The following GABPB2 variants were observed in gnomAD, a reference collection of about 807,000 sequenced individuals.
GABPB2 encodes the protein GA-binding protein subunit beta-2.
GABPB2 carries 23 observed loss-of-function variants against 39.1 expected under a neutral mutation model. That is an observed-to-expected ratio of 0.59 (90% CI 0.42 to 0.83). The LOEUF is 0.83. GABPB2 is among the 40% of genes least tolerant of loss of function. The probability of loss-of-function intolerance (pLI) is 0.00; values close to 1 mark genes in which losing one functional copy is unlikely to be tolerated. For missense variants in GABPB2, 467 were observed against 541.1 expected (o/e 0.86, Z 1.36); for synonymous variants, 184 against 199.3 (o/e 0.92, Z 0.65).
chr1:151,103,586 A>C lies in GABPB2; in HGVS notation c.647A>C (p.Gln216Pro). 6.2e-7 allele frequency: 1 copy of C among 1,613,940 alleles called. No homozygotes were observed. Among genetic ancestry groups the C allele is most frequent in the Non-Finnish European group, 8.5e-7 (1 of 1,179,882 alleles). ...GGTGACCCCCATGCCTCAACAGTACAGTTTTCAAATTCTACCACCTCAGTG... is the reference window on the plus strand; with the variant it reads ...GGTGACCCCCATGCCTCAACAGTACCGTTTTCAAATTCTACCACCTCAGTG... Reference protein sequence around the residue: ...TSGDPHASTVQFSNSTTSVLA... With the variant: ...TSGDPHASTVPFSNSTTSVLA... Residue 216 changes from glutamine to proline, a missense_variant, in exon 6 of 9, where the codon CAG becomes CCG. Coordinates refer to ENST00000368918, the MANE Select transcript of GABPB2 (RefSeq NM_144618.3).
intron 1 of GABPB2, among the ~76,000 whole-genome samples, chr1:151,084,690 A>G (rs1212739638): frequency 1.3e-5 from 2 of 150,574 alleles, no homozygotes; most frequent in Non-Finnish European, 3.0e-5. Flanking sequence ...ACCCGCCACC[A>G]TGCCCAGCTA....
Position 151,124,508 on chromosome 1 carries a change from C to T in GABPB2, c.*6252C>T, listed in dbSNP as rs1289004041. 1 of 149,952 alleles carries T rather than the reference C, an allele frequency of 6.7e-6. No individual in the cohort carries two copies. Among genetic ancestry groups the T allele is most frequent in the Non-Finnish European group, 1.5e-5 (1 of 67,724 alleles). 9.3% of individuals were successfully genotyped at this position (149,952 alleles called of 1,614,324 possible). On this transcript the variant is annotated 3_prime_UTR_variant, in exon 9 of 9. Transcript: ENST00000368918. ...GACCATTTTAAGAAAGCTTGTGTGG[C>T]TCTCTCCTATCATTACAGACCTCCA...
At chr1:151,096,891 A>C (rs1262366275) in intron 4 of GABPB2, among the ~76,000 whole-genome samples, 1 of 152,096 alleles carries the variant, frequency 6.6e-6, no homozygotes, top group African/African-American at 2.4e-5. Flanking sequence ...TTTTTAGGCT[A>C]TTCAGGTCAA....
At chr1:151,092,208 G>A (rs1283706840) in intron 3 of GABPB2, among the ~76,000 whole-genome samples, 1 of 149,210 alleles carries the variant, frequency 6.7e-6, no homozygotes, top group African/African-American at 2.5e-5. Flanking sequence ...CCAGGTTCAA[G>A]CGATTCTCCT....
chr1:151,076,719 T>C (rs587721937), intron 1 of GABPB2, among the ~76,000 whole-genome samples: 134 of 151,556 alleles, frequency 8.8e-4, no homozygotes, highest in Non-Finnish European at 1.6e-3. Context: ...TGTGAGCCAC[T>C]GTGCCTTGCC....
At chr1:151,117,561 T>C (rs778393017) in intron 8 of GABPB2, 45 bp downstream of exon 8, 23 of 1,598,412 alleles carry the variant, frequency 1.4e-5, no homozygotes, top group African/African-American at 9.4e-5. Context: ...GCCTTAATTA[T>C]TAAGGCCTGA....
chr1:151,090,399 T>C lies in GABPB2; in HGVS notation c.109-7T>C, dbSNP rs1049571609. On this transcript the variant is annotated splice_polypyrimidine_tract_variant and splice_region_variant and intron_variant, in intron 2 of 8. Coordinates refer to ENST00000368918, the MANE Select transcript of GABPB2 (RefSeq NM_144618.3). ...GTGGATATTCAATGAGCATTATTTT[T>C]CCACAGCTTGGAACATCACCCCTCC... The C allele has an allele frequency of 1.2e-6, 2 of 1,613,408 alleles. No homozygotes were observed. Among genetic ancestry groups the C allele is most frequent in the African/African-American group, 1.3e-5 (1 of 75,026 alleles).
At chr1:151,073,006 C>T (rs1202967991) in intron 1 of GABPB2, 1 of 152,076 alleles carries the variant, frequency 6.6e-6, no homozygotes, top group East Asian at 1.9e-4. Flanking sequence ...TATTTAGGTT[C>T]TTTTCCATCT....
At chr1:151,080,227 A>C (rs6667900) in intron 1 of GABPB2, among the ~76,000 whole-genome samples, 15,352 of 139,832 alleles carry the variant, frequency 0.11, 1,383 homozygotes, top group African/African-American at 0.2. Flanking sequence ...AAAAAAAAAA[A>C]AAAAAAAAAA....
intron 2 of GABPB2, among the ~76,000 whole-genome samples, 177 bp from the exon 3 acceptor site, chr1:151,090,229 C>T (rs1201235832): frequency 6.6e-6 from 1 of 152,172 alleles, no homozygotes; most frequent in African/African-American, 2.4e-5. Context: ...CAGGTGTGAG[C>T]CAGTGCACCT....
intron 7 of GABPB2, among the ~76,000 whole-genome samples, chr1:151,109,337 T>C (rs12563271): frequency 6.1e-5 from 5 of 81,532 alleles, no homozygotes; most frequent in South Asian, 4.8e-4. Flanking sequence ...TATATATATA[T>C]ACACAAATAT....
chr1:151,080,960 C>T (rs1317307033), intron 1 of GABPB2, among the ~76,000 whole-genome samples: 3 of 150,842 alleles, frequency 2.0e-5, no homozygotes, highest in Admixed American at 6.6e-5. Context: ...GCAACCTCTG[C>T]CTCCCGGGTT....
At chr1:151,073,558 A>G (rs1676899998) in intron 1 of GABPB2, among the ~76,000 whole-genome samples, 1 of 152,032 alleles carries the variant, frequency 6.6e-6, no homozygotes, top group Non-Finnish European at 1.5e-5. Flanking sequence ...TTCCCCTCAA[A>G]ATGCTGTGTT....
chr1:151,117,720 A>G (rs930939255), intron 8 of GABPB2, among the ~76,000 whole-genome samples: 1 of 152,090 alleles, frequency 6.6e-6, no homozygotes, highest in African/African-American at 2.4e-5. Context: ...AGTAGCTGGG[A>G]TTACAGGCAC....
At chr1:151,107,672 A>G (rs964797359) in intron 7 of GABPB2, among the ~76,000 whole-genome samples, 13 of 152,164 alleles carry the variant, frequency 8.5e-5, no homozygotes, top group Non-Finnish European at 1.9e-4. Context: ...GAGGCGGCTC[A>G]CGGCTGTAAT....
intron 6 of GABPB2, among the ~76,000 whole-genome samples, chr1:151,104,196 T>C (rs1005376249): frequency 3.0e-4 from 46 of 152,308 alleles, no homozygotes; most frequent in African/African-American, 1.1e-3. Context: ...GCCTTTCTGA[T>C]ATTTAAAACA....
At chr1:151,076,428 T>A (rs1410255333) in intron 1 of GABPB2, among the ~76,000 whole-genome samples, 1 of 152,084 alleles carries the variant, frequency 6.6e-6, no homozygotes, top group East Asian at 1.9e-4. Context: ...AGACTAGAAT[T>A]TTTATTTTTT....
At chr1:151,088,755 C>T (rs1678417943) in intron 2 of GABPB2, among the ~76,000 whole-genome samples, 1 of 152,118 alleles carries the variant, frequency 6.6e-6, no homozygotes, top group African/African-American at 2.4e-5. Flanking sequence ...AATCCCAGCA[C>T]TTTGGGAGTC....
At chr1:151,101,652 A>T (rs1266816912) in intron 5 of GABPB2, among the ~76,000 whole-genome samples, 1 of 152,172 alleles carries the variant, frequency 6.6e-6, no homozygotes, top group Non-Finnish European at 1.5e-5. Context: ...CTACTTCTAT[A>T]CTAACAAAGC....
Sources: gnomAD v4.1 joint callset for allele counts (sites outside exome capture counted in the v4.1 genomes callset) on GRCh38, gnomAD v4.1.1 for gene constraint, MANE v1.5 for transcripts, NCBI Gene and HGNC (gene_info 2026-07-23, HGNC 2026-07-21) for gene names.